The following ZFHX3 variants were observed in gnomAD, a reference collection of about 807,000 sequenced individuals.
ZFHX3 encodes zinc finger homeobox protein 3.
ZFHX3 carries 42 observed loss-of-function variants against 279.1 expected under a neutral mutation model. The observed-to-expected ratio is 0.15, with a 90% confidence interval of 0.12 to 0.19. The LOEUF (loss-of-function observed/expected upper bound fraction) is 0.19. ZFHX3 is among the 10% of genes least tolerant of loss of function. ZFHX3 has a pLI of 1.00. For synonymous variants in ZFHX3, 2,293 were observed against 1,957.8 expected (o/e 1.17, Z -4.52); for missense variants, 4,981 against 4,754.0 (o/e 1.05, Z -1.40).
chr16:72,946,113 A>T (rs1041071727), intron 3 of ZFHX3, among the ~76,000 whole-genome samples: 1 of 152,218 alleles, frequency 6.6e-6, no homozygotes, highest in Non-Finnish European at 1.5e-5. Flanking sequence ...GCAAAGTCTG[A>T]TGGAAGTTTT....
chr16:73,240,523 A>G (rs1292365503), intron 5 of ZFHX3, among the ~76,000 whole-genome samples: 1 of 152,164 alleles, frequency 6.6e-6, no homozygotes, highest in Non-Finnish European at 1.5e-5. Flanking sequence ...CCAGCGTTGC[A>G]GGGTATTTTA....
At position 73,466,029 on chromosome 16, in the gene ZFHX3, G is replaced by A. The variant is rs75958263; in HGVS notation, c.-1546-9771C>T. Among the ~76,000 whole-genome samples the A allele has an allele frequency of 0.023, 3,503 of 151,770 alleles. 175 individuals carry two copies. The East Asian group carries it at 0.24, about 11-fold the overall frequency. On this transcript the variant is annotated intron_variant, in intron 2 of 17. Coordinates refer to the ZFHX3 transcript ENST00000641206. ...AAATGTGGTAAAACACAAGAATGTCGGTGAACCCTTGGGGTCTGAAGATTC... is the reference window on the plus strand; with the variant it reads ...AAATGTGGTAAAACACAAGAATGTCAGTGAACCCTTGGGGTCTGAAGATTC...
At chr16:73,069,774 C>T (rs1965800222) in intron 8 of ZFHX3, among the ~76,000 whole-genome samples, 1 of 152,212 alleles carries the variant, frequency 6.6e-6, no homozygotes, top group South Asian at 2.1e-4. Context: ...CACTCCACTT[C>T]CCACGGGCTT....
intron 2 of ZFHX3, among the ~76,000 whole-genome samples, chr16:73,619,046 C>G (rs2052331993): frequency 6.6e-6 from 1 of 152,018 alleles, no homozygotes; most frequent in South Asian, 2.1e-4. Context: ...TTGATTAGCT[C>G]TCATATCAAT....
intron 1 of ZFHX3, among the ~76,000 whole-genome samples, chr16:73,689,042 T>A (rs1356532892): frequency 1.3e-5 from 2 of 152,180 alleles, no homozygotes; most frequent in Non-Finnish European, 2.9e-5. Flanking sequence ...AACAGACTAA[T>A]ACAAGCCCAA....
intron 1 of ZFHX3, among the ~76,000 whole-genome samples, chr16:72,982,247 A>G (rs1962639322): frequency 6.6e-6 from 1 of 152,132 alleles, no homozygotes; most frequent in Non-Finnish European, 1.5e-5. Context: ...AATGGGAATC[A>G]TATTTTCGAT....
intron 7 of ZFHX3, among the ~76,000 whole-genome samples, chr16:73,112,792 C>T (rs1173660007): frequency 2.7e-5 from 4 of 146,008 alleles, no homozygotes; most frequent in Admixed American, 6.9e-5. Flanking sequence ...TAGTGAAGGG[C>T]GGAGAGAAGC....
intron 1 of ZFHX3, among the ~76,000 whole-genome samples, chr16:73,796,037 T>C (rs1481474190): frequency 1.3e-5 from 2 of 152,176 alleles, no homozygotes; most frequent in Middle Eastern, 6.3e-3. Context: ...CACAGCAAAT[T>C]GGGGAACAGC....
intron 3 of ZFHX3, among the ~76,000 whole-genome samples, chr16:73,454,718 A>T (rs1204998052): frequency 2.0e-5 from 3 of 152,118 alleles, no homozygotes; most frequent in Non-Finnish European, 2.9e-5. Context: ...CCCAATAAAG[A>T]GTGTGTGTGG....
chr16:73,745,654 T>C (rs1304772085), intron 1 of ZFHX3, among the ~76,000 whole-genome samples: 1 of 152,218 alleles, frequency 6.6e-6, no homozygotes, highest in East Asian at 1.9e-4. Context: ...TTAAGTGACT[T>C]TTGAAAACCT....
chr16:72,923,305 C>T (rs775471068), intron 3 of ZFHX3, among the ~76,000 whole-genome samples: 17 of 151,826 alleles, frequency 1.1e-4, no homozygotes, highest in Admixed American at 9.2e-4. Flanking sequence ...GTTAGCTGGG[C>T]GGGGTGGTGC....
chr16:72,976,903 C>T (rs1342001041), intron 1 of ZFHX3, among the ~76,000 whole-genome samples: 4 of 152,196 alleles, frequency 2.6e-5, no homozygotes, highest in African/African-American at 7.2e-5. Flanking sequence ...GGAGTTCTAA[C>T]CCCCACGGGG....
chr16:73,326,227 T>A (rs1450697149), intron 3 of ZFHX3, among the ~76,000 whole-genome samples: 1 of 152,078 alleles, frequency 6.6e-6, no homozygotes, highest in Non-Finnish European at 1.5e-5. Context: ...GAATAATATA[T>A]CATATGCAAC....
rs143536104 is a variant in ZFHX3 at position 72,957,458 on chromosome 16, G to C, written c.2688C>G (p.Ala896=). Residue 896 remains alanine, a synonymous_variant, in exon 2 of 10, where the codon GCC becomes GCG. Coordinates refer to ENST00000268489, the MANE Select transcript of ZFHX3 (RefSeq NM_006885.4). The stretch of plus-strand genomic sequence containing the variant: ...CAGGCGTCATGGCGGCCATGGGCCC[G>C]GCGGGATCCAGCTGGAATCCGCTCA... ...FMMSGFQLDP[A]GPMAAMTPAL... 1.2e-6 allele frequency: 2 copies of C among 1,612,982 alleles called. No homozygotes were observed. The highest frequency in any genetic ancestry group is 1.3e-5 in the African/African-American group (1 of 75,002).
At chr16:73,037,448 T>C (rs1567644932) in intron 1 of ZFHX3, among the ~76,000 whole-genome samples, 1 of 152,196 alleles carries the variant, frequency 6.6e-6, no homozygotes, top group Non-Finnish European at 1.5e-5. Context: ...TTCTGTTTAC[T>C]AGGAAAGTCT....
intron 2 of ZFHX3, among the ~76,000 whole-genome samples, chr16:73,557,751 C>A (rs1734126706): frequency 6.6e-6 from 1 of 152,038 alleles, no homozygotes; most frequent in Admixed American, 6.5e-5. Flanking sequence ...TTGTGCCGAC[C>A]TCCTATCTCA....
At chr16:73,449,377 A>T (rs2018245023) in intron 3 of ZFHX3, among the ~76,000 whole-genome samples, 1 of 152,202 alleles carries the variant, frequency 6.6e-6, no homozygotes, top group Non-Finnish European at 1.5e-5. Flanking sequence ...CTTCTTAAAA[A>T]CAAGCTGGGC....
intron 2 of ZFHX3, among the ~76,000 whole-genome samples, chr16:73,659,483 G>C (rs2052757240): frequency 6.7e-6 from 1 of 149,976 alleles, no homozygotes; most frequent in Admixed American, 6.6e-5. Flanking sequence ...ACGAAGAGAA[G>C]TAATTCCTAA....
At chr16:73,862,414 A>C (rs1438264926) in intron 1 of ZFHX3, among the ~76,000 whole-genome samples, 1 of 152,214 alleles carries the variant, frequency 6.6e-6, no homozygotes, top group African/African-American at 2.4e-5. Context: ...TATGTATGTT[A>C]ACTTCTTCTC....
Sources: gnomAD v4.1 joint callset for allele counts (sites outside exome capture counted in the v4.1 genomes callset) on GRCh38, gnomAD v4.1.1 for gene constraint, MANE v1.5 for transcripts, NCBI Gene and HGNC (gene_info 2026-07-23, HGNC 2026-07-21) for gene names.